The following EDAR variants were observed in gnomAD, a reference collection of about 807,000 sequenced individuals.
EDAR encodes ectodysplasin A receptor.
In EDAR, 38 loss-of-function variants were observed where a neutral mutation model predicts 51.3. The observed-to-expected ratio is 0.74, with a 90% CI of 0.57 to 0.97. The LOEUF is 0.97. Among genes scored for constraint, EDAR ranks in the 50% least tolerant of loss-of-function variants. The pLI is 0.00. For synonymous variants in EDAR, 227 were observed against 242.1 expected, an observed-to-expected ratio of 0.94 and a Z score of 0.58; for missense variants, 528 against 595.0, an observed-to-expected ratio of 0.89 and a Z score of 1.17.
Position 108,929,192 on chromosome 2 carries a change from G to A in EDAR, c.356+6C>T. 1 of 1,613,862 alleles carries A rather than the reference G, an allele frequency of 6.2e-7. No homozygotes were observed. The highest frequency in any genetic ancestry group is 8.5e-7 in the Non-Finnish European group (1 of 1,180,006). On this transcript the variant is annotated splice_donor_region_variant and intron_variant, in intron 4 of 11. Transcript: ENST00000258443. ...GCCAGGGTTTGCCAGGAGGGCCTGT[G>A]CTTACCCAGGGAGGCAAGGGCCACA... is the stretch of plus-strand genomic sequence containing the variant.
intron 1 of EDAR, among the ~76,000 whole-genome samples, chr2:108,931,719 G>GT (rs113255769): frequency 1.3e-5 from 2 of 148,930 alleles, no homozygotes; most frequent in Admixed American, 6.6e-5. Context: ...GAGGAGGTGG[G>GT]TTTTTTTTTC....
rs1312071330 is a variant in EDAR at position 108,929,319 on chromosome 2, ACTT to A, written c.232_234del (p.Lys78del). ...CATATCTGGTAGCCTCCTTTGGAAAACTTCTCCGCCGGGCAGGGGACGCAGCCG... is the reference window on the plus strand; with the variant it reads ...CATATCTGGTAGCCTCCTTTGGAAAACTCCGCCGGGCAGGGGACGCAGCCG... On this transcript the variant is annotated inframe_deletion, in exon 4 of 12. Transcript: ENST00000258443. 9 of 1,613,660 alleles carry A rather than the reference ACTT, an allele frequency of 5.6e-6. No individual in the cohort carries two copies. Among genetic ancestry groups the A allele is most frequent in the Non-Finnish European group, 7.6e-6 (9 of 1,179,944 alleles).
At chr2:108,988,422 C>A (rs931280441) in intron 1 of EDAR, among the ~76,000 whole-genome samples, 2 of 152,116 alleles carry the variant, frequency 1.3e-5, no homozygotes, top group Non-Finnish European at 2.9e-5. Context: ...AAATAGGTAC[C>A]CACTCCCCTC....
chr2:108,926,030 G>A (rs908128482), intron 4 of EDAR, among the ~76,000 whole-genome samples: 8 of 152,164 alleles, frequency 5.3e-5, no homozygotes, highest in East Asian at 1.9e-4. Flanking sequence ...TTTCTAGCAC[G>A]TATTGCTGCA....
intron 8 of EDAR, 43 bp downstream of exon 8, chr2:108,910,733 T>C (rs1306533147): frequency 6.2e-7 from 1 of 1,604,200 alleles, no homozygotes; most frequent in Non-Finnish European, 8.5e-7. Flanking sequence ...CACCCAGAGA[T>C]GGGCACCGTG....
At chr2:108,962,749 T>C (rs1229547797) in intron 1 of EDAR, among the ~76,000 whole-genome samples, 6 of 151,034 alleles carry the variant, frequency 4.0e-5, no homozygotes, top group South Asian at 2.1e-4. Context: ...AGGCCAACTC[T>C]TCCTGGCATG....
At chr2:108,958,869 G>A (rs2104395392) in intron 1 of EDAR, among the ~76,000 whole-genome samples, 1 of 145,586 alleles carries the variant, frequency 6.9e-6, no homozygotes, top group Middle Eastern at 3.5e-3. Flanking sequence ...GGCTGGCTGG[G>A]AAAAGGCACC....
At chr2:108,917,020 C>T (rs1209588215) in intron 5 of EDAR, among the ~76,000 whole-genome samples, 2 of 152,172 alleles carry the variant, frequency 1.3e-5, no homozygotes, top group Non-Finnish European at 2.9e-5. Context: ...TCCCTGCGCT[C>T]GGAGCTCGGC....
intron 1 of EDAR, among the ~76,000 whole-genome samples, chr2:108,974,555 C>G (rs1005896828): frequency 4.6e-5 from 7 of 151,402 alleles, no homozygotes; most frequent in African/African-American, 1.7e-4. Context: ...CATGATGAAA[C>G]CCCATCTCTA....
intron 11 of EDAR, among the ~76,000 whole-genome samples, chr2:108,901,783 A>T (rs1696703919): frequency 6.6e-6 from 1 of 152,242 alleles, no homozygotes; most frequent in Non-Finnish European, 1.5e-5. Flanking sequence ...CAGACTTATA[A>T]CTATTAAGGA....
At chr2:108,899,495 T>C (rs907142460) in intron 11 of EDAR, among the ~76,000 whole-genome samples, 2 of 152,148 alleles carry the variant, frequency 1.3e-5, no homozygotes, top group African/African-American at 4.8e-5. Context: ...GAAAAGAACA[T>C]AGTGAGCAAA....
intron 1 of EDAR, among the ~76,000 whole-genome samples, chr2:108,971,395 C>T (rs1374230670): frequency 2.0e-5 from 3 of 151,898 alleles, no homozygotes; most frequent in African/African-American, 7.3e-5. Context: ...TGTAACAAGA[C>T]CCCCAGGTGA....
intron 1 of EDAR, among the ~76,000 whole-genome samples, chr2:108,936,668 G>A (rs145517985): frequency 2.0e-5 from 3 of 152,268 alleles, no homozygotes; most frequent in Non-Finnish European, 2.9e-5. Context: ...TAGGGAGCCC[G>A]CAAGGTCACC....
chr2:108,985,757 T>C (rs906740434), intron 1 of EDAR, among the ~76,000 whole-genome samples: 1 of 152,214 alleles, frequency 6.6e-6, no homozygotes, highest in African/African-American at 2.4e-5. Context: ...TAGGATTTGT[T>C]TGCTTATTGA....
At chr2:108,913,987 G>A (rs199972638) in intron 5 of EDAR, among the ~76,000 whole-genome samples, 1 of 151,074 alleles carries the variant, frequency 6.6e-6, no homozygotes, top group Non-Finnish European at 1.5e-5. Context: ...GGGGCCGGGC[G>A]CGGTAGCTCA....
At position 108,930,112 on chromosome 2, in the gene EDAR, G is replaced by A. The variant is rs372745992; in HGVS notation, c.174+8C>T. 6.0e-5 allele frequency: 96 copies of A among 1,612,842 alleles called. 1 individual carries two copies. The African/African-American group carries it at 1.0e-3, about 17-fold the overall frequency. ...GCGCACCAGGCTCCAGGAGGGCTGG[G>A]TCCTTACCAGGTAGGGCTCCTCTCC... On this transcript the variant is annotated splice_region_variant and intron_variant, in intron 3 of 11. Transcript: ENST00000258443.
At chr2:108,931,147 C>G in intron 1 of EDAR, 115 bp from the exon 2 acceptor site, 1 of 817,670 alleles carries the variant, frequency 1.2e-6, no homozygotes, top group Non-Finnish European at 2.1e-6. Context: ...AGAGGGGAAA[C>G]TATACATCCT....
intron 1 of EDAR, among the ~76,000 whole-genome samples, chr2:108,984,143 G>A (rs1045599179): frequency 6.6e-6 from 1 of 152,068 alleles, no homozygotes; most frequent in Non-Finnish European, 1.5e-5. Flanking sequence ...ATGTGTTAAC[G>A]GCCAAGGGAG....
rs545891541 is a variant in EDAR, at chr2:108,948,817, T to C, written c.-18-17785A>G. Among the ~76,000 whole-genome samples, 13 of 152,224 alleles carry C rather than the reference T, an allele frequency of 8.5e-5. 1 individual carries two copies. The East Asian group carries it at 2.1e-3, about 25-fold the overall frequency. On this transcript the variant is annotated intron_variant, in intron 1 of 11. Coordinates refer to ENST00000258443, the MANE Select transcript of EDAR (RefSeq NM_022336.4). ...CTGGGGACACAGAGACAAATCATCA[T>C]ATACTAAAAAGTAGAGTTGGCCAGG... is the stretch of plus-strand genomic sequence containing the variant.
Sources: allele counts gnomAD v4.1 joint callset (sites outside exome capture counted in the v4.1 genomes callset), GRCh38; gene constraint gnomAD v4.1.1; transcripts MANE v1.5; gene names NCBI Gene and HGNC (gene_info 2026-07-23, HGNC 2026-07-21).